MMP16: variants seen among roughly 807,000 people sequenced by gnomAD.
MMP16 encodes the protein matrix metalloproteinase-16.
MMP16 carries 12 observed loss-of-function variants against 67.8 expected under a neutral mutation model. That is an observed-to-expected ratio of 0.18 (90% confidence interval 0.11 to 0.29). The LOEUF (loss-of-function observed/expected upper bound fraction) is 0.29, where lower values mean the gene tolerates loss of function less well. Among genes scored for constraint, MMP16 ranks in the 10% least tolerant of loss-of-function variants. The pLI is 1.00. For missense variants in MMP16, 475 were observed against 765.7 expected, an observed-to-expected ratio of 0.62 and a Z score of 4.48; for synonymous variants, 249 against 255.9, an observed-to-expected ratio of 0.97 and a Z score of 0.26.
intron 1 of MMP16, among the ~76,000 whole-genome samples, chr8:88,202,662 G>A (rs138404828): frequency 1.3e-3 from 195 of 151,858 alleles, no homozygotes; most frequent in African/African-American, 4.1e-3. Context: ...CATAAATGGT[G>A]ACAAAACAAG....
chr8:88,135,517 G>A (rs577388140), intron 4 of MMP16, among the ~76,000 whole-genome samples: 3 of 151,842 alleles, frequency 2.0e-5, no homozygotes, highest in South Asian at 4.2e-4. Context: ...TGAGTCTTGG[G>A]GTTTAAAACT....
At chr8:88,227,119 T>C (rs1022825130) in intron 1 of MMP16, among the ~76,000 whole-genome samples, 4 of 151,984 alleles carry the variant, frequency 2.6e-5, no homozygotes, top group African/African-American at 9.7e-5. Flanking sequence ...TTAAAATACA[T>C]AATAATGATG....
intron 6 of MMP16, among the ~76,000 whole-genome samples, chr8:88,103,445 G>T (rs1389956807): frequency 6.6e-6 from 1 of 151,774 alleles, no homozygotes. Context: ...ATGAATAAAA[G>T]ATTACAGTAG....
intron 6 of MMP16, among the ~76,000 whole-genome samples, chr8:88,075,781 A>G (rs2616506): frequency 0.42 from 63,276 of 151,864 alleles, 13,610 homozygotes; most frequent in East Asian, 0.66. Flanking sequence ...TATATCACAA[A>G]AATACTTCCA....
At chr8:88,312,707 G>A (rs1315626140) in intron 1 of MMP16, among the ~76,000 whole-genome samples, 2 of 152,160 alleles carry the variant, frequency 1.3e-5, no homozygotes, top group Non-Finnish European at 2.9e-5. Flanking sequence ...AGCGGCTCAT[G>A]TTTGTAATCC....
intron 1 of MMP16, among the ~76,000 whole-genome samples, chr8:88,209,241 T>G (rs1809476574): frequency 6.6e-6 from 1 of 152,066 alleles, no homozygotes; most frequent in African/African-American, 2.4e-5. Flanking sequence ...TCTGCCACCC[T>G]TGAAAACAGC....
At chr8:88,109,567 T>C (rs746219982) in intron 6 of MMP16, among the ~76,000 whole-genome samples, 2 of 151,226 alleles carry the variant, frequency 1.3e-5, no homozygotes, top group African/African-American at 2.4e-5. Context: ...TAGAGAAATA[T>C]AGGAGGTCAA....
At chr8:88,226,952 A>G (rs910066627) in intron 1 of MMP16, among the ~76,000 whole-genome samples, 16 of 152,114 alleles carry the variant, frequency 1.1e-4, no homozygotes, top group African/African-American at 3.6e-4. Context: ...TAAGAACACG[A>G]AAACAATAAC....
intron 8 of MMP16, among the ~76,000 whole-genome samples, chr8:88,054,942 G>A (rs1259146941): frequency 6.6e-6 from 1 of 151,980 alleles, no homozygotes; most frequent in Non-Finnish European, 1.5e-5. Context: ...TTGTATGTGT[G>A]TATTTTCTTA....
At chr8:88,323,493 AC>A (rs1811491195) in intron 1 of MMP16, among the ~76,000 whole-genome samples, 1 of 152,166 alleles carries the variant, frequency 6.6e-6, no homozygotes, top group South Asian at 2.1e-4. Context: ...TTAATCAGGA[AC>A]AACAAAATCA....
chr8:88,218,267 T>C (rs1809624922), intron 1 of MMP16, among the ~76,000 whole-genome samples: 1 of 151,972 alleles, frequency 6.6e-6, no homozygotes, highest in South Asian at 2.1e-4. Flanking sequence ...ATCATTCTAA[T>C]GATGCACAGG....
chr8:88,203,730 T>G (rs1039654450), intron 1 of MMP16, among the ~76,000 whole-genome samples: 7 of 152,150 alleles, frequency 4.6e-5, no homozygotes, highest in Non-Finnish European at 1.0e-4. Flanking sequence ...ACGAAAATAT[T>G]TTGTGCTATA....
intron 7 of MMP16, among the ~76,000 whole-genome samples, chr8:88,065,625 C>T (rs1354316603): frequency 1.3e-5 from 2 of 151,986 alleles, no homozygotes; most frequent in African/African-American, 2.4e-5. Context: ...TCTTCTGTTA[C>T]ATCCTATAAA....
chr8:88,222,736 A>C (rs979613003), intron 1 of MMP16, among the ~76,000 whole-genome samples: 11 of 152,200 alleles, frequency 7.2e-5, no homozygotes, highest in African/African-American at 2.7e-4. Flanking sequence ...TAAAACCATA[A>C]AAACCCTAGA....
chr8:88,032,725 T>G lies in MMP16; in HGVS notation c.*8736A>C, dbSNP rs187218251. On this transcript the variant is annotated 3_prime_UTR_variant, in exon 10 of 10. Coordinates refer to ENST00000286614, the MANE Select transcript of MMP16 (RefSeq NM_005941.5). ...CTATCTGAAAAAAAAAATGCCAGATTTAAGATGGTATAAGTGTATAGAATC... is the reference window on the plus strand; with the variant it reads ...CTATCTGAAAAAAAAAATGCCAGATGTAAGATGGTATAAGTGTATAGAATC... 6.6e-6 allele frequency: 1 copy of G among 152,220 alleles called. No individual in the cohort carries two copies. The highest frequency in any genetic ancestry group is 1.9e-4 in the East Asian group (1 of 5,174). The allele number at this position is 152,220 out of a possible 1,614,324, so 9.4% of individuals were successfully genotyped here.
At chr8:88,292,912 A>G (rs554257191) in intron 1 of MMP16, among the ~76,000 whole-genome samples, 1 of 152,172 alleles carries the variant, frequency 6.6e-6, no homozygotes, top group Non-Finnish European at 1.5e-5. Flanking sequence ...CTAATTGACA[A>G]TGGGTTTTGA....
intron 1 of MMP16, among the ~76,000 whole-genome samples, chr8:88,221,362 G>A (rs987288031): frequency 2.0e-5 from 3 of 152,064 alleles, no homozygotes; most frequent in Non-Finnish European, 4.4e-5. Context: ...CAATTAGCAA[G>A]GCTGGCCATG....
At chr8:88,092,818 G>A (rs1045172368) in intron 6 of MMP16, among the ~76,000 whole-genome samples, 3 of 151,686 alleles carry the variant, frequency 2.0e-5, no homozygotes, top group African/African-American at 7.3e-5. Context: ...TAACTACAAA[G>A]TTTCATATTG....
chr8:88,140,632 T>C (rs1031625728), intron 4 of MMP16, among the ~76,000 whole-genome samples: 1 of 152,166 alleles, frequency 6.6e-6, no homozygotes, highest in Admixed American at 6.5e-5. Context: ...TCCTACTGAA[T>C]GATTTTTTTG....
Sources: allele counts gnomAD v4.1 joint callset (sites outside exome capture counted in the v4.1 genomes callset), GRCh38; gene constraint gnomAD v4.1.1; transcripts MANE v1.5; gene names NCBI Gene and HGNC (gene_info 2026-07-23, HGNC 2026-07-21).